The following TBC1D4 variants were observed in gnomAD, a reference collection of about 807,000 sequenced individuals.
The protein encoded by TBC1D4 is TBC (Tre-2, BUB2, CDC16) domain-containing protein.
Under a neutral mutation model 142.5 loss-of-function variants are expected in TBC1D4, and 121 were observed. The ratio of observed to expected loss-of-function variants is 0.85; its 90% CI spans 0.73 to 0.99. The LOEUF is 0.99. TBC1D4 is among the 50% of genes least tolerant of loss of function. The pLI is 0.00. For synonymous variants in TBC1D4, 630 were observed against 628.2 expected (o/e 1.00, Z -0.04); for missense variants, 1,475 against 1,606.6 (o/e 0.92, Z 1.40).
rs567655044 is a variant in TBC1D4 at position 75,450,663 on chromosome 13, T to C, written c.498+30607A>G. Among the ~76,000 whole-genome samples the C allele has an allele frequency of 2.6e-5, 4 of 152,326 alleles. No homozygotes were observed. In the East Asian group the frequency reaches 7.7e-4, roughly 29 times the overall value. On this transcript the variant is annotated intron_variant, in intron 1 of 20. Transcript: ENST00000377636. The stretch of plus-strand genomic sequence containing the variant: ...AGAACCTAAGTGTCTGGAGTTTGTA[T>C]TGAGGCTTCCTTAAATAGGCATGAT...
At chr13:75,288,839 T>C in intron 20 of TBC1D4, 95 bp downstream of exon 20, 1 of 1,321,672 alleles carries the variant, frequency 7.6e-7, no homozygotes, top group Non-Finnish European at 1.1e-6. Flanking sequence ...TTAGCAATGG[T>C]TCATTCCACG....
chr13:75,476,677 GA>G (rs772218245), intron 1 of TBC1D4, among the ~76,000 whole-genome samples: 1 of 152,142 alleles, frequency 6.6e-6, no homozygotes, highest in Non-Finnish European at 1.5e-5. Context: ...CATTCCACTT[GA>G]ACTTTCAAGT....
intron 18 of TBC1D4, among the ~76,000 whole-genome samples, chr13:75,294,523 A>G (rs1158125653): frequency 6.6e-6 from 1 of 152,230 alleles, no homozygotes; most frequent in Admixed American, 6.5e-5. Context: ...GTATATAAAA[A>G]TCTGGAAAAT....
intron 1 of TBC1D4, among the ~76,000 whole-genome samples, chr13:75,472,635 C>G (rs1888465077): frequency 6.6e-6 from 1 of 151,940 alleles, no homozygotes; most frequent in South Asian, 2.1e-4. Context: ...TAGATACTCT[C>G]TCAGGAAAAA....
intron 13 of TBC1D4, among the ~76,000 whole-genome samples, chr13:75,310,810 A>G (rs1240471869): frequency 6.6e-6 from 1 of 151,452 alleles, no homozygotes; most frequent in Non-Finnish European, 1.5e-5. Flanking sequence ...CCCACCCTCC[A>G]CCCTCAAGGG....
intron 1 of TBC1D4, among the ~76,000 whole-genome samples, chr13:75,369,820 G>A (rs1883128364): frequency 6.6e-6 from 1 of 152,178 alleles, no homozygotes; most frequent in Admixed American, 6.5e-5. Flanking sequence ...TCCAATGTGT[G>A]CTACATAAGA....
chr13:75,390,864 AGG>A (rs1566452714), intron 1 of TBC1D4, among the ~76,000 whole-genome samples: 1 of 3,238 alleles, frequency 3.1e-4, no homozygotes, highest in Non-Finnish European at 6.1e-4. Flanking sequence ...AGGGGAGGGG[AGG>A]GGAGGGGAGG....
intron 1 of TBC1D4, among the ~76,000 whole-genome samples, chr13:75,472,405 C>T (rs887332527): frequency 4.0e-5 from 6 of 151,870 alleles, no homozygotes; most frequent in African/African-American, 1.5e-4. Flanking sequence ...GGTGACAAAG[C>T]AAGACTCCGT....
chr13:75,481,195 TCCC>T, intron 1 of TBC1D4, 72 bp downstream of exon 1: 66 of 1,292,666 alleles, frequency 5.1e-5, no homozygotes, highest in Non-Finnish European at 6.4e-5. Context: ...TAAAGTGGGG[TCCC>T]CGCCCCTCCC....
chr13:75,392,692 G>A (rs117608267), intron 1 of TBC1D4, among the ~76,000 whole-genome samples: 2,004 of 151,080 alleles, frequency 0.013, 62 homozygotes, highest in Admixed American at 0.071. Flanking sequence ...CTGGAGTGCA[G>A]TGGCAGAATC....
intron 4 of TBC1D4, among the ~76,000 whole-genome samples, chr13:75,355,532 C>T (rs562199455): frequency 6.6e-6 from 1 of 152,198 alleles, no homozygotes; most frequent in Non-Finnish European, 1.5e-5. Context: ...CAGTTCTCTG[C>T]TTTCACAGCT....
At chr13:75,418,765 G>A (rs976502223) in intron 1 of TBC1D4, among the ~76,000 whole-genome samples, 1 of 152,046 alleles carries the variant, frequency 6.6e-6, no homozygotes, top group African/African-American at 2.4e-5. Flanking sequence ...CTCAATTTTT[G>A]GAATCACAGA....
intron 1 of TBC1D4, among the ~76,000 whole-genome samples, chr13:75,391,640 CT>C (rs1241179988): frequency 6.6e-6 from 1 of 152,216 alleles, no homozygotes. Flanking sequence ...AACTCTAATC[CT>C]TGGGGCTACC....
intron 1 of TBC1D4, among the ~76,000 whole-genome samples, chr13:75,480,032 A>AAAAAAC (rs1555327217): frequency 4.1e-4 from 1 of 2,452 alleles, no homozygotes; most frequent in Non-Finnish European, 0.019. Context: ...ACTCCGTCTC[A>AAAAAAC]AAAAAAAAAA....
Position 75,323,991 on chromosome 13 carries a change from C to T in TBC1D4, c.2198+246G>A, listed in dbSNP as rs772246988. Reference sequence around the variant, plus strand: ...CTGGAGTTTGAGAAAACGAAACACACAAACAATACAAAAAGCATAATTCAA... The same window carrying T: ...CTGGAGTTTGAGAAAACGAAACACATAAACAATACAAAAAGCATAATTCAA... On this transcript the variant is annotated intron_variant, in intron 11 of 20. Coordinates refer to ENST00000377636, the MANE Select transcript of TBC1D4 (RefSeq NM_014832.5). Among the ~76,000 whole-genome samples the T allele has an allele frequency of 8.5e-5, 13 of 152,136 alleles. No individual in the cohort carries two copies. In the South Asian group the frequency reaches 2.1e-3, roughly 24 times the overall value.
chr13:75,434,953 G>T (rs932048625), intron 1 of TBC1D4, among the ~76,000 whole-genome samples: 1 of 150,116 alleles, frequency 6.7e-6, no homozygotes, highest in Non-Finnish European at 1.5e-5. Context: ...TTCGAGATTG[G>T]CCTGGCCAAC....
chr13:75,420,255 G>A (rs1886106797), intron 1 of TBC1D4, among the ~76,000 whole-genome samples: 1 of 152,178 alleles, frequency 6.6e-6, no homozygotes, highest in Non-Finnish European at 1.5e-5. Context: ...TCTTATCTGA[G>A]AGACAATTGG....
intron 20 of TBC1D4, 142 bp from the exon 21 acceptor site, chr13:75,287,167 G>C (rs1053309610): frequency 2.8e-6 from 2 of 726,408 alleles, no homozygotes; most frequent in Admixed American, 5.0e-5. Flanking sequence ...AGGAAACGAT[G>C]ATTTATTAGG....
chr13:75,288,897 T>G, intron 20 of TBC1D4, 37 bp downstream of exon 20: 1 of 1,603,068 alleles, frequency 6.2e-7, no homozygotes, highest in Non-Finnish European at 8.5e-7. Context: ...GCAGGAGGCA[T>G]TGAAGTACTT....
Sources: allele counts gnomAD v4.1 joint callset (sites outside exome capture counted in the v4.1 genomes callset), GRCh38; gene constraint gnomAD v4.1.1; transcripts MANE v1.5; gene names NCBI Gene and HGNC (gene_info 2026-07-23, HGNC 2026-07-21).